Variants in CCDC57 observed in about 807,000 individuals in gnomAD.
CCDC57 encodes the protein coiled-coil domain-containing protein 57.
Under a neutral mutation model 118.9 loss-of-function variants are expected in CCDC57, and 118 were observed. The observed-to-expected ratio is 0.99, with a 90% confidence interval of 0.86 to 1.16. The LOEUF is 1.16. CCDC57 is among the 50% of genes most tolerant of loss of function. The probability of loss-of-function intolerance (pLI) is 0.00; values close to 1 mark genes in which losing one functional copy is unlikely to be tolerated. For missense variants in CCDC57, 1,300 were observed against 1,320.7 expected (o/e 0.98, Z 0.24); for synonymous variants, 527 against 532.9 (o/e 0.99, Z 0.15).
At chr17:82,163,273 G>T (rs1568323446) in exon 14 of CCDC57, 2 of 1,614,062 alleles carry the variant, frequency 1.2e-6, no homozygotes, top group Non-Finnish European at 1.7e-6. Context: ...TGCCAGTCCA[G>T]AGGATACTGG....
intron 19 of CCDC57, among the ~76,000 whole-genome samples, chr17:82,115,650 C>T (rs913622136): frequency 2.0e-5 from 3 of 151,992 alleles, no homozygotes; most frequent in African/African-American, 7.2e-5. Flanking sequence ...TGGCTTACAT[C>T]TCTGGTCCCA....
At chr17:82,203,759 T>G (rs1439277950) in intron 2 of CCDC57, among the ~76,000 whole-genome samples, 1 of 152,230 alleles carries the variant, frequency 6.6e-6, no homozygotes, top group Non-Finnish European at 1.5e-5. Context: ...GGGAACTGCA[T>G]GGCCTAAAAG....
At chr17:82,150,299 G>C (rs1448601016) in intron 16 of CCDC57, among the ~76,000 whole-genome samples, 1 of 96,556 alleles carries the variant, frequency 1.0e-5, no homozygotes, top group Admixed American at 1.1e-4. Flanking sequence ...AGAACCTGGT[G>C]CACACCCAGA....
At chr17:82,196,435 G>A (rs1227379866) in intron 4 of CCDC57, among the ~76,000 whole-genome samples, 3 of 152,184 alleles carry the variant, frequency 2.0e-5, no homozygotes, top group African/African-American at 7.2e-5. Context: ...TGTGAACAAC[G>A]GGAGTGAGCT....
At chr17:82,127,665 C>A (rs1568185611) in intron 19 of CCDC57, 27 bp downstream of exon 18, 1 of 1,568,660 alleles carries the variant, frequency 6.4e-7, no homozygotes, top group Non-Finnish European at 8.6e-7. Context: ...CAGCTGTGGG[C>A]AGCTCCTGGG....
chr17:82,199,055 A>T (rs187656278), intron 3 of CCDC57, among the ~76,000 whole-genome samples: 111 of 152,182 alleles, frequency 7.3e-4, no homozygotes, highest in African/African-American at 2.6e-3. Context: ...GAGAAAAGAT[A>T]ATAGGTAGAT....
chr17:82,113,022 C>T (rs146195216), intron 19 of CCDC57: 29 of 253,752 alleles, frequency 1.1e-4, no homozygotes, highest in Non-Finnish European at 1.3e-4. Context: ...GAAAGTAAGC[C>T]GATTTGGTTA....
In CCDC57 at chr17:82,146,339, T is replaced by C. The variant is rs541880456; in HGVS notation, c.2455+5221A>G. 4.6e-5 allele frequency among the ~76,000 whole-genome samples: 7 copies of C among 152,318 alleles called. No homozygotes were observed. The South Asian group carries it at 1.4e-3, about 32-fold the overall frequency. On this transcript the variant is annotated intron_variant, in intron 16 of 19. Transcript: ENST00000665763. ...TGCAGATAGACCAGTCAGTCTTGCC[T>C]AAACCTTTGCAATCAGGACTCATCT...
At chr17:82,107,700 C>A in intron 19 of CCDC57, 1 of 428,820 alleles carries the variant, frequency 2.3e-6, no homozygotes, top group Non-Finnish European at 4.8e-6. Flanking sequence ...GCCCGCTCCC[C>A]TGGCAACACC....
At position 82,127,226 on chromosome 17, in the gene CCDC57, C is replaced by T. The variant is rs143213607; in HGVS notation, c.2899+466G>A. On this transcript the variant is annotated intron_variant, in intron 19 of 19. Coordinates refer to ENST00000665763, the Ensembl canonical transcript of CCDC57. Reference sequence around the variant, plus strand: ...GGATGCGGCTGACACTTGTCTGGCCCGTGAGGCTGAGCATCACTGGGGTCG... The same window carrying T: ...GGATGCGGCTGACACTTGTCTGGCCTGTGAGGCTGAGCATCACTGGGGTCG... The T allele has an allele frequency of 1.6e-4, 154 of 985,424 alleles. 1 individual carries two copies. The Middle Eastern group carries it at 3.7e-3, about 23-fold the overall frequency. The allele number at this position is 985,424 out of a possible 1,614,324, so 61.0% of individuals were successfully genotyped here.
At chr17:82,178,544 G>A in exon 11 of CCDC57, 2 of 1,613,664 alleles carry the variant, frequency 1.2e-6, no homozygotes, top group Non-Finnish European at 1.7e-6. Flanking sequence ...CAGGGTCACG[G>A]CCTTCAGCAC....
intron 14 of CCDC57, among the ~76,000 whole-genome samples, chr17:82,158,483 C>A (rs771155548): frequency 6.6e-6 from 1 of 151,758 alleles, no homozygotes; most frequent in South Asian, 2.1e-4. Context: ...GTCAGGAGAT[C>A]GAGACCATCC....
chr17:82,201,427 G>T, intron 3 of CCDC57, 111 bp downstream of exon 2: 1 of 1,311,170 alleles, frequency 7.6e-7, no homozygotes, highest in Non-Finnish European at 1.0e-6. Context: ...AATCAGCAGC[G>T]GGAGGAGGGG....
intron 16 of CCDC57, among the ~76,000 whole-genome samples, chr17:82,150,115 A>C (rs1201682613): frequency 8.6e-6 from 1 of 116,516 alleles, no homozygotes; most frequent in Non-Finnish European, 1.8e-5. Context: ...ACCCAGAACC[A>C]GGCGCACACC....
intron 19 of CCDC57, among the ~76,000 whole-genome samples, chr17:82,103,748 C>G (rs778836755): frequency 6.6e-6 from 1 of 152,146 alleles, no homozygotes; most frequent in Non-Finnish European, 1.5e-5. Flanking sequence ...CCTGGGAGGC[C>G]TGAGCTGGCC....
chr17:82,204,290 C>T (rs930513632), intron 2 of CCDC57, among the ~76,000 whole-genome samples: 3 of 152,200 alleles, frequency 2.0e-5, no homozygotes, highest in Admixed American at 6.5e-5. Flanking sequence ...CATCTCAGCA[C>T]TCTCCCACGC....
intron 8 of CCDC57, among the ~76,000 whole-genome samples, chr17:82,187,788 C>T (rs527530793): frequency 1.8e-4 from 3 of 16,528 alleles, no homozygotes; most frequent in Admixed American, 1.5e-3. Context: ...AGGGAGTTGG[C>T]GGGGCTGGGG....
At chr17:82,196,327 T>C (rs2048296195) in intron 4 of CCDC57, among the ~76,000 whole-genome samples, 1 of 152,238 alleles carries the variant, frequency 6.6e-6, no homozygotes, top group Admixed American at 6.5e-5. Flanking sequence ...GAACTCCGGC[T>C]GTTCTCAAAC....
At chr17:82,104,547 T>G (rs1280726081) in intron 19 of CCDC57, among the ~76,000 whole-genome samples, 2 of 152,140 alleles carry the variant, frequency 1.3e-5, no homozygotes, top group East Asian at 1.9e-4. Context: ...AAATTTTTAT[T>G]TTTATTTTTG....
Sources: allele counts gnomAD v4.1 joint callset (sites outside exome capture counted in the v4.1 genomes callset), GRCh38; gene constraint gnomAD v4.1.1; transcripts MANE v1.5; gene names NCBI Gene and HGNC (gene_info 2026-07-23, HGNC 2026-07-21).